Variants in FBXL18 observed in about 807,000 individuals in gnomAD.
The protein encoded by FBXL18 is F-box and leucine rich repeat protein 18, also known as F-box/LRR-repeat protein 18.
FBXL18 carries 36 observed loss-of-function variants against 46.0 expected under a neutral mutation model. The observed-to-expected ratio is 0.78, with a 90% CI of 0.60 to 1.03. The LOEUF is 1.03. FBXL18 is among the 50% of genes least tolerant of loss of function. FBXL18 has a pLI of 0.00. For missense variants in FBXL18, 977 were observed against 1,004.1 expected (o/e 0.97, Z 0.36); for synonymous variants, 557 against 465.3 (o/e 1.20, Z -2.54).
intron 2 of FBXL18, among the ~76,000 whole-genome samples, chr7:5,503,348 C>T (rs529499633): frequency 7.8e-4 from 119 of 152,282 alleles, no homozygotes; most frequent in African/African-American, 2.6e-3. Context: ...CGAGCCACCA[C>T]GCCCAGCCTG....
chr7:5,459,020 G>C (rs34207883), intron 4 of FBXL18, among the ~76,000 whole-genome samples: 31,663 of 152,070 alleles, frequency 0.21, 3,444 homozygotes, highest in South Asian at 0.3. Flanking sequence ...GGGCATGGTG[G>C]TATGTACCTA....
chr7:5,512,210 A>C (rs1253510105), intron 1 of FBXL18, among the ~76,000 whole-genome samples: 2 of 148,534 alleles, frequency 1.3e-5, no homozygotes, highest in Non-Finnish European at 3.0e-5. Flanking sequence ...ACGCCACTGC[A>C]CTCCACCCTG....
chr7:5,494,585 C>G (rs1454976275), intron 3 of FBXL18, among the ~76,000 whole-genome samples: 6 of 152,094 alleles, frequency 3.9e-5, no homozygotes, highest in Non-Finnish European at 8.8e-5. Context: ...TTAAATACCA[C>G]CTCTCCCTAA....
In FBXL18 at chr7:5,491,265, T is replaced by G; in HGVS notation, c.1966A>C (p.Thr656Pro). The G allele has an allele frequency of 6.2e-7, 1 of 1,613,126 alleles. No individual in the cohort carries two copies. Among genetic ancestry groups the G allele is most frequent in the South Asian group, 1.1e-5 (1 of 90,898 alleles). ...CHLFTGESLA[T>P]CKSLQQSLLR... is the part of the protein sequence containing the mutation. Reference sequence around the variant, plus strand: ...AGCGACTGCTGCAGGCTCTTGCAGGTGGCGAGGGACTCCCCGGTGAACAGG... The same window carrying G: ...AGCGACTGCTGCAGGCTCTTGCAGGGGGCGAGGGACTCCCCGGTGAACAGG... The change falls in exon 4 of 5, where the codon ACC (threonine) becomes CCC (proline). Residue 656 changes from threonine to proline, a missense_variant. Physicochemically the swap from Thr to Pro is conservative, Grantham distance 38 (BLOSUM62 -1). Coordinates refer to ENST00000382368, the MANE Select transcript of FBXL18 (RefSeq NM_024963.6).
intron 3 of FBXL18, among the ~76,000 whole-genome samples, chr7:5,493,141 C>G (rs117014742): frequency 0.01 from 1,551 of 152,202 alleles, 11 homozygotes; most frequent in Middle Eastern, 0.017. Context: ...TTGAGAAGAG[C>G]CTGGGCGACA....
chr7:5,510,988 T>C (rs1368490007), intron 1 of FBXL18, among the ~76,000 whole-genome samples: 1 of 152,246 alleles, frequency 6.6e-6, no homozygotes, highest in Non-Finnish European at 1.5e-5. Context: ...CTGTGTTTTA[T>C]GTACTTTTCA....
In FBXL18 at chr7:5,500,483, C is replaced by T. The variant is rs1018689704; in HGVS notation, c.1781+5G>A. On this transcript the variant is annotated splice_donor_5th_base_variant and intron_variant, in intron 3 of 4. Coordinates refer to ENST00000382368, the MANE Select transcript of FBXL18 (RefSeq NM_024963.6). Reference sequence around the variant, plus strand: ...AGGCCCGAGAGGTCCCCGCGGCCCCCTCACCTGAGGTCCCTCAGCCGCTTG... The same window carrying T: ...AGGCCCGAGAGGTCCCCGCGGCCCCTTCACCTGAGGTCCCTCAGCCGCTTG... The T allele has an allele frequency of 6.3e-7, 1 of 1,591,474 alleles. No individual in the cohort carries two copies. The highest frequency in any genetic ancestry group is 1.1e-5 in the South Asian group (1 of 88,462).
Position 5,480,259 on chromosome 7 carries a change from C to T in FBXL18, c.*1516G>A, listed in dbSNP as rs576060671. ...ACAAGGGGCCCTTCACCAAGAGCGG[C>T]CAGGGCGGCGGTCCAGGCTAGCAGG... On this transcript the variant is annotated 3_prime_UTR_variant, in exon 5 of 5. Coordinates refer to ENST00000382368, the MANE Select transcript of FBXL18 (RefSeq NM_024963.6). 6.6e-5 allele frequency among the ~76,000 whole-genome samples: 10 copies of T among 152,252 alleles called. No homozygotes were observed. The East Asian group carries it at 1.9e-3, about 29-fold the overall frequency.
rs368954782 is a variant in FBXL18, at chr7:5,494,076, C to G, written c.1782-2627G>C. 3.3e-5 allele frequency among the ~76,000 whole-genome samples: 5 copies of G among 152,060 alleles called. No homozygotes were observed. In the East Asian group the frequency reaches 7.8e-4, roughly 24 times the overall value. On this transcript the variant is annotated intron_variant, in intron 3 of 4. Transcript: ENST00000382368. ...TCACCTGAAATCGGGAGTTTGAGACCAGCCTGACCAACATGGAAAAACCCC... is the reference window on the plus strand; with the variant it reads ...TCACCTGAAATCGGGAGTTTGAGACGAGCCTGACCAACATGGAAAAACCCC...
At chr7:5,471,851 G>T (rs879426278), downstream of FBXL18, among the ~76,000 whole-genome samples, 4 of 152,294 alleles carry the variant, frequency 2.6e-5, no homozygotes, top group African/African-American at 9.6e-5. Context: ...GGTGGCTCAC[G>T]CCTGTAATCC....
intron 4 of FBXL18, among the ~76,000 whole-genome samples, chr7:5,466,926 T>C (rs1783348936): frequency 6.6e-6 from 1 of 152,108 alleles, no homozygotes; most frequent in African/African-American, 2.4e-5. Flanking sequence ...AGAATTTACA[T>C]CAATTTAAAT....
intron 3 of FBXL18, among the ~76,000 whole-genome samples, chr7:5,495,416 C>T (rs1442560567): frequency 4.6e-5 from 7 of 152,218 alleles, no homozygotes; most frequent in African/African-American, 7.2e-5. Flanking sequence ...CACGCTCCCC[C>T]GCCCTCCACC....
intron 4 of FBXL18, among the ~76,000 whole-genome samples, chr7:5,464,764 A>AC (rs1471568357): frequency 1.3e-5 from 2 of 150,600 alleles, no homozygotes; most frequent in African/African-American, 4.9e-5. Context: ...GGATATTAAA[A>AC]AAAAAAAAAC....
intron 3 of FBXL18, among the ~76,000 whole-genome samples, chr7:5,497,375 G>A (rs763025060): frequency 2.4e-4 from 37 of 152,242 alleles, no homozygotes; most frequent in Non-Finnish European, 4.3e-4. Context: ...ACGGAGCCTC[G>A]CAGTGGCTCG....
At chr7:5,462,634 G>A (rs746725981) in intron 4 of FBXL18, among the ~76,000 whole-genome samples, 1 of 151,894 alleles carries the variant, frequency 6.6e-6, no homozygotes, top group Non-Finnish European at 1.5e-5. Context: ...GGACCCAGCC[G>A]CAAATGACAT....
chr7:5,464,489 A>G (rs572898311), intron 4 of FBXL18, among the ~76,000 whole-genome samples: 2 of 151,772 alleles, frequency 1.3e-5, no homozygotes, highest in African/African-American at 4.8e-5. Flanking sequence ...CGAAAATAAA[A>G]TAAAATAAAA....
At chr7:5,513,567 G>A (rs970582384) in intron 1 of FBXL18, 90 bp downstream of exon 1, 3 of 1,455,208 alleles carry the variant, frequency 2.1e-6, no homozygotes, top group African/African-American at 2.8e-5. Flanking sequence ...GGATAGAAAG[G>A]ATGCAAGGGA....
intron 4 of FBXL18, 33 bp from the exon 5 acceptor site, chr7:5,481,964 T>A: frequency 6.4e-7 from 1 of 1,572,812 alleles, no homozygotes; most frequent in Non-Finnish European, 8.6e-7. Flanking sequence ...GCGGATTACA[T>A]GGGTGGCCAC....
At position 5,463,728 on chromosome 7, in the gene FBXL18, ATTTTTTTTTTTTTT is replaced by A. The variant is rs552002078; in HGVS notation, c.2001-15899_2001-15886del. Reference sequence around the variant, plus strand: ...TATTTATTTATTTATTTATTTATTTATTTTTTTTTTTTTTTTTTTTTTTTTTTTTTGAGACGGAG... The same window carrying A: ...TATTTATTTATTTATTTATTTATTTATTTTTTTTTTTTTTTTGAGACGGAG... On this transcript the variant is annotated intron_variant and NMD_transcript_variant, in intron 4 of 6. Transcript: ENST00000415009. 8.8e-3 allele frequency among the ~76,000 whole-genome samples: 469 copies of A among 53,020 alleles called. 5 individuals are homozygous for A. The highest frequency in any genetic ancestry group is 0.029 in the Middle Eastern group (3 of 102). 34.8% of individuals were successfully genotyped at this position (53,020 alleles called of 152,430 possible).
Sources: allele counts gnomAD v4.1 joint callset (sites outside exome capture counted in the v4.1 genomes callset), GRCh38; gene constraint gnomAD v4.1.1; transcripts MANE v1.5; gene names NCBI Gene and HGNC (gene_info 2026-07-23, HGNC 2026-07-21).